The following CBFB variants were observed in gnomAD, a reference collection of about 807,000 sequenced individuals.
The protein encoded by CBFB is core-binding factor subunit beta, also known as CBF-beta.
Under a neutral mutation model 30.4 loss-of-function variants are expected in CBFB, and 9 were observed. That is an observed-to-expected ratio of 0.30 (90% CI 0.18 to 0.52). The LOEUF is 0.52. Among genes scored for constraint, CBFB ranks in the 20% least tolerant of loss-of-function variants. The probability of loss-of-function intolerance (pLI) is 0.97; values close to 1 mark genes in which losing one functional copy is unlikely to be tolerated. For synonymous variants in CBFB, 94 were observed against 84.0 expected, an observed-to-expected ratio of 1.12 and a Z score of -0.65; for missense variants, 170 against 244.0, an observed-to-expected ratio of 0.70 and a Z score of 2.02.
chr16:67,047,987 T>C (rs1310242196), intron 3 of CBFB, among the ~76,000 whole-genome samples: 1 of 152,120 alleles, frequency 6.6e-6, no homozygotes, highest in Non-Finnish European at 1.5e-5. Context: ...GAGAATCACT[T>C]GAACCTGGGA....
At chr16:67,076,994 A>G (rs934329137) in intron 4 of CBFB, among the ~76,000 whole-genome samples, 1 of 152,194 alleles carries the variant, frequency 6.6e-6, no homozygotes, top group Admixed American at 6.5e-5. Flanking sequence ...AAGTTATATA[A>G]ACTATAACTT....
chr16:67,092,143 A>G (rs1166927111), intron 5 of CBFB, among the ~76,000 whole-genome samples: 2 of 150,950 alleles, frequency 1.3e-5, no homozygotes. Flanking sequence ...CATGTGTTCT[A>G]ATTGTTCAAC....
intron 5 of CBFB, 133 bp downstream of exon 5, chr16:67,082,441 T>C: frequency 9.2e-7 from 1 of 1,085,464 alleles, no homozygotes; most frequent in Non-Finnish European, 1.3e-6. Flanking sequence ...AGTTGTACTC[T>C]CTGGCTTTGT....
chr16:67,051,912 TACACACACACACAC>T (rs112469458), intron 3 of CBFB, among the ~76,000 whole-genome samples: 98 of 144,024 alleles, frequency 6.8e-4, no homozygotes, highest in Middle Eastern at 7.1e-3. Flanking sequence ...TATATGTGTA[TACACACACACACAC>T]ACACACACAC....
chr16:67,076,239 A>T (rs12386007), intron 4 of CBFB, among the ~76,000 whole-genome samples: 3 of 152,038 alleles, frequency 2.0e-5, no homozygotes, highest in Non-Finnish European at 2.9e-5. Context: ...AAAAAAATTT[A>T]AAAAATTAGC....
chr16:67,080,387 A>G (rs957876246), intron 4 of CBFB, among the ~76,000 whole-genome samples: 3 of 152,198 alleles, frequency 2.0e-5, no homozygotes, highest in African/African-American at 7.2e-5. Context: ...CCAAAAATAT[A>G]TAGGACATCA....
In CBFB at chr16:67,093,608, G is replaced by C. The variant is rs139309783; in HGVS notation, c.496-5102G>C. The C allele has an allele frequency of 2.0e-5, 3 of 152,214 alleles. No homozygotes were observed. In the East Asian group the frequency reaches 5.8e-4, roughly 29 times the overall value. 9.4% of individuals were successfully genotyped at this position (152,214 alleles called of 1,614,324 possible). A position where few individuals can be genotyped will look rare whatever the true frequency, so the allele number is the denominator to read the frequency against. Reference sequence around the variant, plus strand: ...GGAGATGATATACTGAGAGAAAACAGGAGAGCAACTGGTAGTAAGAGGTCT... The same window carrying C: ...GGAGATGATATACTGAGAGAAAACACGAGAGCAACTGGTAGTAAGAGGTCT... On this transcript the variant is annotated intron_variant, in intron 5 of 5. Coordinates refer to ENST00000412916, the MANE Select transcript of CBFB (RefSeq NM_022845.3).
intron 4 of CBFB, among the ~76,000 whole-genome samples, chr16:67,070,646 T>G (rs1335799308): frequency 2.0e-5 from 3 of 151,862 alleles, no homozygotes; most frequent in African/African-American, 7.3e-5. Flanking sequence ...TCCCAGGAGT[T>G]TGAGACCAAC....
intron 4 of CBFB, chr16:67,081,967 C>T (rs998859800): frequency 5.6e-5 from 11 of 197,466 alleles, no homozygotes; most frequent in African/African-American, 1.4e-4. Context: ...TACAAACATG[C>T]GCCACAACAT....
At chr16:67,074,018 A>C (rs1244938613) in intron 4 of CBFB, among the ~76,000 whole-genome samples, 1 of 152,190 alleles carries the variant, frequency 6.6e-6, no homozygotes, top group African/African-American at 2.4e-5. Flanking sequence ...CAACAGAGCA[A>C]GACTCCATCT....
chr16:67,042,322 ATT>A (rs1966545808), intron 3 of CBFB, among the ~76,000 whole-genome samples: 1 of 151,986 alleles, frequency 6.6e-6, no homozygotes, highest in African/African-American at 2.4e-5. Context: ...CATCTGGCTA[ATT>A]TTAAATTTTT....
chr16:67,095,585 C>A (rs1483129230), intron 5 of CBFB, among the ~76,000 whole-genome samples: 1 of 151,846 alleles, frequency 6.6e-6, no homozygotes, highest in African/African-American at 2.4e-5. Context: ...GAAGGTGAGG[C>A]AGGAGGATCA....
chr16:67,062,377 C>T (rs532713056), intron 3 of CBFB, among the ~76,000 whole-genome samples: 38 of 151,256 alleles, frequency 2.5e-4, no homozygotes, highest in African/African-American at 6.0e-4. Context: ...CCATGTTGGC[C>T]GGGCTGGTTT....
chr16:67,094,725 G>A (rs1185058682), intron 5 of CBFB, among the ~76,000 whole-genome samples: 1 of 152,126 alleles, frequency 6.6e-6, no homozygotes, highest in Non-Finnish European at 1.5e-5. Flanking sequence ...TTGCAGAATT[G>A]ATCTGTCCTT....
chr16:67,053,213 C>G (rs1960610529), intron 3 of CBFB, among the ~76,000 whole-genome samples: 2 of 149,462 alleles, frequency 1.3e-5, no homozygotes, highest in African/African-American at 4.9e-5. Context: ...CACTTCAGGG[C>G]AGTGTAAACA....
intron 4 of CBFB, among the ~76,000 whole-genome samples, chr16:67,068,663 C>G (rs1463552215): frequency 6.6e-6 from 1 of 151,942 alleles, no homozygotes; most frequent in African/African-American, 2.4e-5. Flanking sequence ...TGGTTTTCAG[C>G]AAAAAGTTAT....
chr16:67,090,006 A>G (rs1303431625), intron 5 of CBFB, among the ~76,000 whole-genome samples: 1 of 152,222 alleles, frequency 6.6e-6, no homozygotes, highest in Non-Finnish European at 1.5e-5. Flanking sequence ...AAAGTCGAAG[A>G]TACTATTTTG....
chr16:67,097,375 A>G (rs895506810), intron 5 of CBFB, among the ~76,000 whole-genome samples: 1 of 152,066 alleles, frequency 6.6e-6, no homozygotes, highest in Non-Finnish European at 1.5e-5. Flanking sequence ...GAGAAACCCC[A>G]TCTCTACTAA....
chr16:67,074,995 C>T (rs958680850), intron 4 of CBFB, among the ~76,000 whole-genome samples: 1 of 151,934 alleles, frequency 6.6e-6, no homozygotes, highest in Non-Finnish European at 1.5e-5. Context: ...GAGTTGGAGA[C>T]CAGCCTGGTA....
Sources: gnomAD v4.1 joint callset for allele counts (sites outside exome capture counted in the v4.1 genomes callset) on GRCh38, gnomAD v4.1.1 for gene constraint, MANE v1.5 for transcripts, NCBI Gene and HGNC (gene_info 2026-07-23, HGNC 2026-07-21) for gene names.